Variants in DROSHA observed in about 807,000 individuals in gnomAD.
The protein encoded by DROSHA is ribonuclease 3.
In DROSHA, 56 loss-of-function variants were observed where a neutral mutation model predicts 181.9. That is an observed-to-expected ratio of 0.31 (90% CI 0.25 to 0.38). The LOEUF is 0.38. Ranked by LOEUF, DROSHA falls within the 10% of genes least tolerant of loss-of-function variation. DROSHA has a pLI of 1.00. For synonymous variants in DROSHA, 524 were observed against 591.2 expected, an observed-to-expected ratio of 0.89 and a Z score of 1.65; for missense variants, 1,218 against 1,743.5, an observed-to-expected ratio of 0.70 and a Z score of 5.37.
intron 10 of DROSHA, among the ~76,000 whole-genome samples, chr5:31,506,392 C>T (rs369006836): frequency 1.3e-5 from 2 of 149,202 alleles, no homozygotes; most frequent in East Asian, 4.0e-4. Context: ...TAACACACTC[C>T]TAAGGCCAGG....
At chr5:31,412,333 C>G (rs944610684) in intron 30 of DROSHA, among the ~76,000 whole-genome samples, 5 of 152,176 alleles carry the variant, frequency 3.3e-5, no homozygotes, top group African/African-American at 1.2e-4. Context: ...TAAAAAACTT[C>G]CTGCTAAGAA....
Position 31,514,889 on chromosome 5 carries a change from G to C in DROSHA, c.1290+99C>G, listed in dbSNP as rs1739106371. The C allele has an allele frequency of 2.7e-6, 3 of 1,104,642 alleles. No homozygotes were observed. The highest frequency in any genetic ancestry group is 4.0e-6 in the Non-Finnish European group (3 of 757,986). The allele number at this position is 1,104,642 out of a possible 1,614,324, so 68.4% of individuals were successfully genotyped here. A position where few individuals can be genotyped will look rare whatever the true frequency, so the allele number is the denominator to read the frequency against. ...GCCGCTAAACATCCTACAATGCATA[G>C]GGCAGTCCCCACAATCAAGAATTTA... is the stretch of plus-strand genomic sequence containing the variant. On this transcript the variant is annotated intron_variant, in intron 8 of 35. Coordinates refer to ENST00000344624, the MANE Select transcript of DROSHA (RefSeq NM_001382508.1). This position sits in a 1 kb window ranked among gnomAD's most constrained non-coding sequence, Gnocchi z 4.4.
chr5:31,409,447 C>T lies in DROSHA; in HGVS notation c.3668-115G>A, dbSNP rs1469708239. ...GTAATAGTTTCAACTTCCAGGCCCT[C>T]TTTATTTTTCAGTGCTACCATTTCA... On this transcript the variant is annotated intron_variant, in intron 31 of 35. Transcript: ENST00000344624. This position sits in a 1 kb window ranked among gnomAD's most constrained non-coding sequence, Gnocchi z 4.0. 4.6e-6 allele frequency: 4 copies of T among 870,206 alleles called. No individual in the cohort carries two copies. The highest frequency in any genetic ancestry group is 7.0e-6 in the Non-Finnish European group (4 of 567,478). 53.9% of individuals were successfully genotyped at this position (870,206 alleles called of 1,614,324 possible). A position where few individuals can be genotyped will look rare whatever the true frequency, so the allele number is the denominator to read the frequency against.
At chr5:31,471,076 C>T (rs1749670270) in intron 17 of DROSHA, among the ~76,000 whole-genome samples, 1 of 152,106 alleles carries the variant, frequency 6.6e-6, no homozygotes, top group South Asian at 2.1e-4. Flanking sequence ...TATGTTTAAA[C>T]ATATTTTTAT....
intron 13 of DROSHA, among the ~76,000 whole-genome samples, chr5:31,487,498 G>A (rs1297108579): frequency 1.3e-5 from 2 of 152,332 alleles, no homozygotes; most frequent in African/African-American, 4.8e-5. Context: ...TTACTGCAGA[G>A]AATTGGCTGG....
intron 19 of DROSHA, among the ~76,000 whole-genome samples, chr5:31,464,771 C>G (rs921624291): frequency 3.3e-5 from 5 of 151,940 alleles, no homozygotes; most frequent in African/African-American, 9.7e-5. Context: ...CTTGCAAACC[C>G]TTATAAAAAC....
chr5:31,414,401 G>T (rs1741709844), intron 30 of DROSHA, among the ~76,000 whole-genome samples: 1 of 152,184 alleles, frequency 6.6e-6, no homozygotes, highest in African/African-American at 2.4e-5. Context: ...ACAGTTATCA[G>T]ACTATTTTGC....
chr5:31,466,662 A>G (rs1290704328), intron 18 of DROSHA, among the ~76,000 whole-genome samples: 1 of 152,200 alleles, frequency 6.6e-6, no homozygotes, highest in Non-Finnish European at 1.5e-5. Flanking sequence ...ATTTGTTGAA[A>G]GAAAGACCCC....
intron 16 of DROSHA, among the ~76,000 whole-genome samples, chr5:31,479,295 C>T (rs1430254856): frequency 6.6e-6 from 1 of 152,300 alleles, no homozygotes; most frequent in East Asian, 1.9e-4. Context: ...ACTTTACATA[C>T]TTTTGTATTG....
chr5:31,439,238 A>G (rs569988654), intron 23 of DROSHA, among the ~76,000 whole-genome samples: 1 of 152,228 alleles, frequency 6.6e-6, no homozygotes, highest in Non-Finnish European at 1.5e-5. Flanking sequence ...TAAACAAGTC[A>G]TAAGTTTTAA....
At position 31,516,988 on chromosome 5, in the gene DROSHA, G is replaced by A. The variant is rs543633670; in HGVS notation, c.948-1424C>T. The stretch of plus-strand genomic sequence containing the variant: ...GCTTCTCTCTAGTTAGGCAGTACTC[G>A]TTTAGACTACCATCAAAACCACATA... On this transcript the variant is annotated intron_variant, in intron 6 of 35. Transcript: ENST00000344624. Among the ~76,000 whole-genome samples the A allele has an allele frequency of 6.6e-5, 10 of 152,200 alleles. No individual in the cohort carries two copies. The South Asian group carries it at 1.9e-3, about 28-fold the overall frequency.
At chr5:31,529,208 A>G in intron 3 of DROSHA, 103 bp from the exon 4 acceptor site, 1 of 955,886 alleles carries the variant, frequency 1.0e-6, no homozygotes, top group East Asian at 2.6e-5. Context: ...GTAGTTTCCA[A>G]TACACTTAGC....
rs139802058 is a variant in DROSHA, at chr5:31,415,105, T to C, written c.3526-4218A>G. Among the ~76,000 whole-genome samples the C allele has an allele frequency of 9.7e-4, 148 of 152,352 alleles. 1 individual carries two copies. Among genetic ancestry groups the C allele is most frequent in the African/African-American group, 3.2e-3 (134 of 41,588 alleles). The stretch of plus-strand genomic sequence containing the variant: ...ACTTTAAACTTTCATAAGAAAAAGA[T>C]TTATTCGTTTAAATAAAACATACAT... On this transcript the variant is annotated intron_variant, in intron 30 of 35. Coordinates refer to ENST00000344624, the MANE Select transcript of DROSHA (RefSeq NM_001382508.1).
intron 15 of DROSHA, among the ~76,000 whole-genome samples, chr5:31,483,968 G>A (rs577298017): frequency 6.3e-4 from 95 of 151,286 alleles, no homozygotes; most frequent in African/African-American, 2.2e-3. Context: ...ATGTGACTAT[G>A]TGTTCATTCT....
At chr5:31,494,422 A>T (rs1752734845) in intron 12 of DROSHA, among the ~76,000 whole-genome samples, 1 of 152,228 alleles carries the variant, frequency 6.6e-6, no homozygotes, top group Non-Finnish European at 1.5e-5. Context: ...CGAAATATCT[A>T]TTATTTGTTT....
chr5:31,407,119 C>A, intron 33 of DROSHA, 174 bp from the exon 34 acceptor site: 1 of 415,560 alleles, frequency 2.4e-6, no homozygotes, highest in Non-Finnish European at 4.2e-6. Context: ...GCTAATCCGA[C>A]AAATATCGAG....
At chr5:31,476,180 C>T (rs999558147) in intron 16 of DROSHA, among the ~76,000 whole-genome samples, 11 of 152,148 alleles carry the variant, frequency 7.2e-5, no homozygotes, top group African/African-American at 2.2e-4. Flanking sequence ...CCCTGGCCAA[C>T]GTGGCAAAAC....
Position 31,405,738 on chromosome 5 carries a change from A to T in DROSHA, c.3948-15T>A. On this transcript the variant is annotated splice_polypyrimidine_tract_variant and intron_variant, in intron 34 of 35. Coordinates refer to ENST00000344624, the MANE Select transcript of DROSHA (RefSeq NM_001382508.1). ...CTTGCTGAATACTATTAAATAAAATAAAGTAAGACATACTTTAATTTCAAG... is the reference window on the plus strand; with the variant it reads ...CTTGCTGAATACTATTAAATAAAATTAAGTAAGACATACTTTAATTTCAAG... 1 of 1,492,506 alleles carries T rather than the reference A, an allele frequency of 6.7e-7. No individual in the cohort carries two copies. The highest frequency in any genetic ancestry group is 1.4e-5 in the African/African-American group (1 of 69,724). 92.5% of individuals were successfully genotyped at this position (1,492,506 alleles called of 1,614,324 possible). A position where few individuals can be genotyped will look rare whatever the true frequency, so the allele number is the denominator to read the frequency against.
chr5:31,507,913 A>G (rs1738181839), intron 10 of DROSHA, among the ~76,000 whole-genome samples: 1 of 152,244 alleles, frequency 6.6e-6, no homozygotes, highest in South Asian at 2.1e-4. Flanking sequence ...CTATAAAAAA[A>G]AGATGGATAG....
Sources: gnomAD v4.1 joint callset for allele counts (sites outside exome capture counted in the v4.1 genomes callset) on GRCh38, gnomAD v4.1.1 for gene constraint, Gnocchi (gnomAD v3.1) non-coding constraint, MANE v1.5 for transcripts, NCBI Gene and HGNC (gene_info 2026-07-23, HGNC 2026-07-21) for gene names.